The following SAMMSON variants were observed in gnomAD, a reference collection of about 807,000 sequenced individuals.
SAMMSON encodes long intergenic non-protein coding RNA 1212.
chr3:70,210,100 A>C (rs1312952177), intron 4 of SAMMSON, among the ~76,000 whole-genome samples: 1 of 152,108 alleles, frequency 6.6e-6, no homozygotes, highest in African/African-American at 2.4e-5. Flanking sequence ...AACAAAAAAA[A>C]GTTGGATAGA....
chr3:70,047,241 A>G (rs2067130207), intron 3 of SAMMSON, among the ~76,000 whole-genome samples: 1 of 152,152 alleles, frequency 6.6e-6, no homozygotes, highest in South Asian at 2.1e-4. Flanking sequence ...GAATGAATTA[A>G]GGATAAAACT....
chr3:70,381,475 G>T (rs1380117601), intron 9 of SAMMSON, among the ~76,000 whole-genome samples: 1 of 152,184 alleles, frequency 6.6e-6, no homozygotes, highest in Admixed American at 6.5e-5. Flanking sequence ...GGGCCAATTT[G>T]TAACTTTACA....
At chr3:70,287,093 T>G (rs1282072650) in intron 6 of SAMMSON, among the ~76,000 whole-genome samples, 1 of 141,888 alleles carries the variant, frequency 7.0e-6, no homozygotes, top group Non-Finnish European at 1.5e-5. Flanking sequence ...TCCAACACTA[T>G]GTTGAATAGG....
intron 2 of SAMMSON, among the ~76,000 whole-genome samples, chr3:70,409,251 A>C (rs4140814): frequency 0.25 from 38,431 of 151,996 alleles, 4,970 homozygotes; most frequent in East Asian, 0.32. Context: ...CCATTATTTT[A>C]TTTTGTGACA....
At chr3:70,415,641 T>G (rs999602776) in intron 2 of SAMMSON, among the ~76,000 whole-genome samples, 1 of 152,188 alleles carries the variant, frequency 6.6e-6, no homozygotes, top group South Asian at 2.1e-4. Flanking sequence ...GTTCTAACAA[T>G]TGTCAGGTGA....
At chr3:70,134,815 G>C (rs532991256) in intron 4 of SAMMSON, among the ~76,000 whole-genome samples, 7 of 152,080 alleles carry the variant, frequency 4.6e-5, no homozygotes. Context: ...GAATGGCAGT[G>C]TGTGTCAGTT....
chr3:70,066,151 C>T (rs2067209923), intron 3 of SAMMSON, among the ~76,000 whole-genome samples: 2 of 152,156 alleles, frequency 1.3e-5, no homozygotes, highest in African/African-American at 2.4e-5. Flanking sequence ...AATCTAGTAG[C>T]TATAAAAGTA....
chr3:70,420,065 G>A (rs2106773804), intron 2 of SAMMSON, among the ~76,000 whole-genome samples: 1 of 152,336 alleles, frequency 6.6e-6, no homozygotes, highest in South Asian at 2.1e-4. Flanking sequence ...GGCATGGACT[G>A]TGTGAAGAGC....
intron 4 of SAMMSON, among the ~76,000 whole-genome samples, chr3:70,156,376 T>A (rs1029735195): frequency 6.6e-6 from 1 of 152,102 alleles, no homozygotes; most frequent in Non-Finnish European, 1.5e-5. Context: ...CAGTGTATAT[T>A]TGAAAGTCTC....
chr3:70,237,977 A>ATTTTTT (rs1251005797), intron 4 of SAMMSON, among the ~76,000 whole-genome samples: 44 of 12,984 alleles, frequency 3.4e-3, no homozygotes, highest in Middle Eastern at 0.056. Flanking sequence ...ATTGAGTGGT[A>ATTTTTT]TCTTTTTTTT....
chr3:70,106,686 T>C (rs6779084), intron 4 of SAMMSON, among the ~76,000 whole-genome samples: 2,733 of 152,166 alleles, frequency 0.018, 92 homozygotes, highest in African/African-American at 0.062. Context: ...ATGCTGACGG[T>C]CTCTGGACCA....
intron 4 of SAMMSON, among the ~76,000 whole-genome samples, chr3:70,149,761 A>G (rs1031986580): frequency 6.6e-6 from 1 of 152,048 alleles, no homozygotes; most frequent in African/African-American, 2.4e-5. Context: ...TTGGACCACT[A>G]TTGGCTTAAT....
At chr3:70,183,302 G>C (rs2106706694) in intron 4 of SAMMSON, 1 of 152,206 alleles carries the variant, frequency 6.6e-6, no homozygotes, top group African/African-American at 2.4e-5. Context: ...GAACAAAATA[G>C]TTCACAGTTC....
chr3:70,214,352 C>T (rs1456061201), intron 4 of SAMMSON, among the ~76,000 whole-genome samples: 3 of 152,008 alleles, frequency 2.0e-5, no homozygotes, highest in African/African-American at 7.2e-5. Context: ...CCTCAAGAAA[C>T]GTTAGATGAA....
intron 4 of SAMMSON, chr3:70,126,233 G>A (rs13327166): frequency 0.28 from 282,750 of 1,018,732 alleles, 42,171 homozygotes; most frequent in East Asian, 0.49. Flanking sequence ...TTTCTTTATC[G>A]TCTTCAACAG....
intron 3 of SAMMSON, among the ~76,000 whole-genome samples, chr3:70,025,944 A>G (rs2067035602): frequency 6.6e-6 from 1 of 152,142 alleles, no homozygotes; most frequent in South Asian, 2.1e-4. Flanking sequence ...TAGGCTGAGG[A>G]GGAGGAGGAA....
chr3:70,292,365 G>A (rs188789273), intron 7 of SAMMSON, among the ~76,000 whole-genome samples: 1 of 152,144 alleles, frequency 6.6e-6, no homozygotes, highest in Non-Finnish European at 1.5e-5. Flanking sequence ...TGTTGGCCTT[G>A]ATATCTTCAG....
intron 4 of SAMMSON, among the ~76,000 whole-genome samples, chr3:70,216,208 A>G (rs1701410440): frequency 6.6e-6 from 1 of 150,586 alleles, no homozygotes; most frequent in African/African-American, 2.4e-5. Flanking sequence ...TTCTAATTCT[A>G]CTTTATATAT....
At chr3:70,283,837 A>G (rs537791574) in intron 6 of SAMMSON, 3 of 152,052 alleles carry the variant, frequency 2.0e-5, no homozygotes, top group African/African-American at 7.2e-5. Flanking sequence ...AACATCTGTT[A>G]AATCTGGATG....
Sources: gnomAD v4.1 joint callset for allele counts (sites outside exome capture counted in the v4.1 genomes callset) on GRCh38, gnomAD v4.1.1 for gene constraint, MANE v1.5 for transcripts, NCBI Gene and HGNC (gene_info 2026-07-23, HGNC 2026-07-21) for gene names.